TRPC6: variants seen among roughly 807,000 people sequenced by gnomAD.
TRPC6 encodes the protein short transient receptor potential channel 6.
TRPC6 carries 55 observed loss-of-function variants against 90.7 expected under a neutral mutation model. The observed-to-expected ratio is 0.61, with a 90% CI of 0.49 to 0.76. TRPC6 has a LOEUF of 0.76. TRPC6 is among the 30% of genes least tolerant of loss of function. TRPC6 has a pLI of 0.00. For synonymous variants in TRPC6, 393 were observed against 393.0 expected (o/e 1.00, Z 0.00); for missense variants, 989 against 1,122.7 (o/e 0.88, Z 1.70).
At chr11:101,454,953 C>G in intron 11 of TRPC6, 65 bp downstream of exon 11, 3 of 1,257,452 alleles carry the variant, frequency 2.4e-6, no homozygotes, top group Non-Finnish European at 3.4e-6. Flanking sequence ...TTTAAAGAAT[C>G]ACATAGTTCA....
At chr11:101,517,031 G>A (rs1348125530) in intron 1 of TRPC6, among the ~76,000 whole-genome samples, 1 of 152,196 alleles carries the variant, frequency 6.6e-6, no homozygotes, top group African/African-American at 2.4e-5. Flanking sequence ...TACGCTGAAA[G>A]CTACATAATA....
intron 1 of TRPC6, among the ~76,000 whole-genome samples, chr11:101,557,333 T>C (rs1003277390): frequency 6.6e-6 from 1 of 152,116 alleles, no homozygotes; most frequent in Non-Finnish European, 1.5e-5. Context: ...CCAGCCTGGG[T>C]GGCAGAGTGA....
chr11:101,499,233 A>C (rs1355920307), intron 2 of TRPC6, among the ~76,000 whole-genome samples: 3 of 152,126 alleles, frequency 2.0e-5, no homozygotes, highest in African/African-American at 4.8e-5. Context: ...CAGATGTATC[A>C]TTCACTAGAA....
At chr11:101,562,620 A>C in intron 1 of TRPC6, among the ~76,000 whole-genome samples, 1 of 152,226 alleles carries the variant, frequency 6.6e-6, no homozygotes, top group East Asian at 1.9e-4. Flanking sequence ...CCTTACTCAT[A>C]TGTAGGTAGC....
intron 1 of TRPC6, among the ~76,000 whole-genome samples, chr11:101,547,766 G>A (rs1050115288): frequency 1.3e-5 from 2 of 152,132 alleles, no homozygotes; most frequent in Admixed American, 6.6e-5. Flanking sequence ...TGGACATGGA[G>A]AATGGAACAG....
In TRPC6 at chr11:101,504,428, G is replaced by C. The variant is rs774190092; in HGVS notation, c.541C>G (p.Leu181Val). 3.7e-6 allele frequency: 6 copies of C among 1,614,108 alleles called. No individual in the cohort carries two copies. In the South Asian group the frequency reaches 5.5e-5, roughly 15 times the overall value. ...CCTTCAGCAAAAGCCGGATGACTGA[G>C]AATTGCTTCCACAATCCGAACATAA... ...KGYVRIVEAI[L>V]SHPAFAEGKR... is the part of the protein sequence containing the mutation. The change falls in exon 2 of 13, where the codon CTC becomes GTC. Residue 181 changes from leucine to valine, a missense_variant. Transcript: ENST00000344327.
intron 10 of TRPC6, among the ~76,000 whole-genome samples, chr11:101,462,986 A>G (rs552099407): frequency 6.6e-6 from 1 of 152,278 alleles, no homozygotes; most frequent in Non-Finnish European, 1.5e-5. Context: ...ACGTCCCATC[A>G]ATACCTAGTT....
At position 101,470,181 on chromosome 11, in the gene TRPC6, A is replaced by G. The variant is rs564858249; in HGVS notation, c.2410-680T>C. 3.6e-4 allele frequency among the ~76,000 whole-genome samples: 55 copies of G among 152,202 alleles called. 1 individual carries two copies. The highest frequency in any genetic ancestry group is 6.3e-4 in the Non-Finnish European group (43 of 68,040). ...TTCTTACAATGGTGGGAGGCTCACT[A>G]CTTCTAAAGGCAGCCCATTCTTCTG... On this transcript the variant is annotated intron_variant, in intron 9 of 12. Transcript: ENST00000344327.
intron 1 of TRPC6, among the ~76,000 whole-genome samples, chr11:101,531,733 A>T (rs1301982482): frequency 1.3e-5 from 2 of 152,216 alleles, no homozygotes; most frequent in Non-Finnish European, 2.9e-5. Context: ...AATTTTCCAC[A>T]TCCATTGTTC....
chr11:101,542,694 A>G (rs10895136), intron 1 of TRPC6, among the ~76,000 whole-genome samples: 39,402 of 151,680 alleles, frequency 0.26, 5,609 homozygotes, highest in East Asian at 0.4. Flanking sequence ...GCCAGTGAAT[A>G]AAACAAATTC....
intron 1 of TRPC6, among the ~76,000 whole-genome samples, chr11:101,516,323 G>A (rs995926216): frequency 1.3e-5 from 2 of 151,810 alleles, no homozygotes; most frequent in African/African-American, 4.8e-5. Context: ...TTATTGTGAC[G>A]CACACATGCT....
At chr11:101,572,170 A>G (rs1861977991) in intron 1 of TRPC6, among the ~76,000 whole-genome samples, 1 of 150,996 alleles carries the variant, frequency 6.6e-6, no homozygotes, top group East Asian at 2.0e-4. Flanking sequence ...AAGCAAATTT[A>G]CAAGAAAAAA....
chr11:101,499,585 C>T lies in TRPC6; in HGVS notation c.945+4439G>A, dbSNP rs1246482701. 7.5e-5 allele frequency among the ~76,000 whole-genome samples: 5 copies of T among 66,798 alleles called. 1 individual carries two copies. Among genetic ancestry groups the T allele is most frequent in the Non-Finnish European group, 1.2e-4 (4 of 33,404 alleles). The allele number at this position is 66,798 out of a possible 152,430, so 43.8% of individuals were successfully genotyped here. On this transcript the variant is annotated intron_variant, in intron 2 of 12. Coordinates refer to ENST00000344327, the MANE Select transcript of TRPC6 (RefSeq NM_004621.6). ...TATATACATAAATGGTGTATATATACGTATATATATACGTATATATGGTAT... is the reference window on the plus strand; with the variant it reads ...TATATACATAAATGGTGTATATATATGTATATATATACGTATATATGGTAT...
chr11:101,561,454 C>T (rs1478817187), intron 1 of TRPC6, among the ~76,000 whole-genome samples: 1 of 152,076 alleles, frequency 6.6e-6, no homozygotes, highest in Non-Finnish European at 1.5e-5. Flanking sequence ...ACTTAGAAGC[C>T]TCTCCATACT....
In TRPC6 at chr11:101,453,647, C is replaced by T. The variant is rs749538516; in HGVS notation, c.2644+3G>A. The T allele has an allele frequency of 1.2e-6, 2 of 1,613,776 alleles. No homozygotes were observed. Among genetic ancestry groups the T allele is most frequent in the African/African-American group, 2.7e-5 (2 of 74,930 alleles). ...GGCTGATTTGCTTCTGCGTTCAACTCACCTTCGTTCACTTCATCACTCTCC... is the reference window on the plus strand; with the variant it reads ...GGCTGATTTGCTTCTGCGTTCAACTTACCTTCGTTCACTTCATCACTCTCC... On this transcript the variant is annotated splice_donor_region_variant and intron_variant, in intron 12 of 12. Transcript: ENST00000344327.
chr11:101,488,160 C>T (rs1859720323), intron 4 of TRPC6, among the ~76,000 whole-genome samples: 1 of 152,156 alleles, frequency 6.6e-6, no homozygotes, highest in Non-Finnish European at 1.5e-5. Context: ...TTAAACAGAT[C>T]CAGAAATGTG....
intron 5 of TRPC6, among the ~76,000 whole-genome samples, chr11:101,480,765 A>T (rs1859533321): frequency 6.6e-6 from 1 of 152,182 alleles, no homozygotes; most frequent in Non-Finnish European, 1.5e-5. Context: ...TATTTACCTT[A>T]CATATACTAA....
At chr11:101,484,111 C>A (rs2136692723) in intron 4 of TRPC6, among the ~76,000 whole-genome samples, 1 of 152,264 alleles carries the variant, frequency 6.6e-6, no homozygotes, top group East Asian at 1.9e-4. Flanking sequence ...TAATAAAATA[C>A]AACCAACACT....
At chr11:101,453,823 C>A in intron 11 of TRPC6, 98 bp from the exon 12 acceptor site, 2 of 1,116,912 alleles carry the variant, frequency 1.8e-6, no homozygotes, top group East Asian at 2.4e-5. Context: ...TGTAGTGAGC[C>A]CTTTGGAAGT....
Sources: gnomAD v4.1 joint callset for allele counts (sites outside exome capture counted in the v4.1 genomes callset) on GRCh38, gnomAD v4.1.1 for gene constraint, MANE v1.5 for transcripts, NCBI Gene and HGNC (gene_info 2026-07-23, HGNC 2026-07-21) for gene names.